Variants in CAMK1D observed in about 807,000 individuals in gnomAD.
The protein encoded by CAMK1D is calcium/calmodulin dependent protein kinase ID.
CAMK1D carries 9 observed loss-of-function variants against 47.7 expected under a neutral mutation model. The ratio of observed to expected loss-of-function variants is 0.19; its 90% CI spans 0.11 to 0.33. The LOEUF (loss-of-function observed/expected upper bound fraction) is 0.33. CAMK1D is among the 10% of genes least tolerant of loss of function. CAMK1D has a pLI of 1.00. For synonymous variants in CAMK1D, 184 were observed against 184.9 expected (o/e 0.99, Z 0.04); for missense variants, 291 against 488.7 (o/e 0.60, Z 3.81).
intron 1 of CAMK1D, among the ~76,000 whole-genome samples, chr10:12,368,345 A>G (rs1406488417): frequency 6.6e-6 from 1 of 152,120 alleles, no homozygotes; most frequent in African/African-American, 2.4e-5. Flanking sequence ...GTTCCAGGCT[A>G]TAGTGAGCCA....
At chr10:12,377,213 T>A (rs1005431680) in intron 1 of CAMK1D, among the ~76,000 whole-genome samples, 8 of 150,544 alleles carry the variant, frequency 5.3e-5, no homozygotes, top group African/African-American at 1.5e-4. Context: ...AAAAAAAAAA[T>A]GTTCTTCCCA....
intron 1 of CAMK1D, among the ~76,000 whole-genome samples, chr10:12,391,951 G>T (rs917828778): frequency 2.0e-5 from 3 of 150,722 alleles, no homozygotes; most frequent in Non-Finnish European, 4.4e-5. Context: ...CTCCAGCCTG[G>T]ATAGCAGAGC....
chr10:12,653,233 A>G (rs7896394), intron 2 of CAMK1D: 2,954 of 154,320 alleles, frequency 0.019, 54 homozygotes, highest in South Asian at 0.11. Flanking sequence ...GGGTTAATCT[A>G]TTCATAAGGG....
intron 1 of CAMK1D, among the ~76,000 whole-genome samples, chr10:12,504,225 T>TGCACACACACACACACAC (rs1834798734): frequency 1.4e-5 from 2 of 147,618 alleles, no homozygotes; most frequent in African/African-American, 5.1e-5. Context: ...ATACACATTT[T>TGCACACACACACACACAC]ACACACACAC....
At chr10:12,525,168 T>C (rs554275901) in intron 1 of CAMK1D, among the ~76,000 whole-genome samples, 7 of 152,356 alleles carry the variant, frequency 4.6e-5, no homozygotes, top group Middle Eastern at 3.4e-3. Flanking sequence ...TTTTTCTTTA[T>C]TTTTGATTTT....
chr10:12,812,172 A>G (rs1003294306), intron 6 of CAMK1D, among the ~76,000 whole-genome samples: 4 of 152,192 alleles, frequency 2.6e-5, no homozygotes, highest in Non-Finnish European at 5.9e-5. Flanking sequence ...CCTGTATTGC[A>G]TTTCTTGTGT....
At chr10:12,376,380 A>T (rs1838182627) in intron 1 of CAMK1D, among the ~76,000 whole-genome samples, 1 of 151,944 alleles carries the variant, frequency 6.6e-6, no homozygotes, top group Non-Finnish European at 1.5e-5. Flanking sequence ...TTGAACCTAG[A>T]TCTGTGTGAA....
At chr10:12,498,315 G>C (rs2132134547) in intron 1 of CAMK1D, among the ~76,000 whole-genome samples, 1 of 152,352 alleles carries the variant, frequency 6.6e-6, no homozygotes, top group Admixed American at 6.5e-5. Flanking sequence ...GCTCCAAACA[G>C]AGGGCCTGAG....
At chr10:12,738,406 G>A (rs774452793) in intron 3 of CAMK1D, among the ~76,000 whole-genome samples, 3 of 152,188 alleles carry the variant, frequency 2.0e-5, no homozygotes, top group South Asian at 2.1e-4. Flanking sequence ...TCCTGTCGTC[G>A]TTTGTCCAGT....
chr10:12,715,072 C>T (rs1254814213), intron 3 of CAMK1D, among the ~76,000 whole-genome samples: 1 of 152,182 alleles, frequency 6.6e-6, no homozygotes, highest in African/African-American at 2.4e-5. Context: ...AACTGTATGT[C>T]TGTATCCACT....
Position 12,514,968 on chromosome 10 carries a change from A to G in CAMK1D, c.93-38257A>G, listed in dbSNP as rs573332311. 9.9e-4 allele frequency among the ~76,000 whole-genome samples: 151 copies of G among 152,004 alleles called. 1 individual carries two copies. The highest frequency in any genetic ancestry group is 1.9e-3 in the Non-Finnish European group (129 of 68,008). ...TGGGTTCAAGTGATTCTCCTGCCTC[A>G]GCCTCCTGACTAGCTGGGACTACAG... is the stretch of plus-strand genomic sequence containing the variant. On this transcript the variant is annotated intron_variant, in intron 1 of 10. Transcript: ENST00000619168.
chr10:12,412,319 G>A (rs1839685252), intron 1 of CAMK1D, among the ~76,000 whole-genome samples: 1 of 151,976 alleles, frequency 6.6e-6, no homozygotes, highest in South Asian at 2.1e-4. Context: ...ACTAGAAAGA[G>A]AAAAGTGGGG....
chr10:12,816,411 T>G lies in CAMK1D; in HGVS notation c.833+83T>G, dbSNP rs1226599105. ...CGAAACTTCCTGTTGGCCGTTGTCATTTATGAAATCCACACAGGATTATTA... is the reference window on the plus strand; with the variant it reads ...CGAAACTTCCTGTTGGCCGTTGTCAGTTATGAAATCCACACAGGATTATTA... On this transcript the variant is annotated intron_variant, in intron 8 of 10. Transcript: ENST00000619168. The G allele has an allele frequency of 5.5e-6, 6 of 1,089,410 alleles. No individual in the cohort carries two copies. In the Admixed American group the frequency reaches 1.3e-4, roughly 23 times the overall value. The allele number at this position is 1,089,410 out of a possible 1,614,324, so 67.5% of individuals were successfully genotyped here. A position where few individuals can be genotyped will look rare whatever the true frequency, so the allele number is the denominator to read the frequency against.
chr10:12,752,327 T>G (rs575866012), intron 3 of CAMK1D, among the ~76,000 whole-genome samples: 2 of 152,268 alleles, frequency 1.3e-5, no homozygotes, highest in East Asian at 1.9e-4. Flanking sequence ...TACCCACACT[T>G]GTGCTAGAAG....
At chr10:12,553,399 G>T (rs1459342023) in intron 2 of CAMK1D, 43 bp downstream of exon 2, 6 of 1,514,308 alleles carry the variant, frequency 4.0e-6, no homozygotes, top group Non-Finnish European at 5.5e-6. Context: ...CTACCTCCTG[G>T]CCCGTGTGTC....
chr10:12,455,598 G>A (rs1278889780), intron 1 of CAMK1D, among the ~76,000 whole-genome samples: 1 of 152,150 alleles, frequency 6.6e-6, no homozygotes, highest in African/African-American at 2.4e-5. Context: ...AAAGTTGTTC[G>A]TTTTTTCCCC....
At chr10:12,627,641 G>A (rs1437605958) in intron 2 of CAMK1D, among the ~76,000 whole-genome samples, 1 of 152,126 alleles carries the variant, frequency 6.6e-6, no homozygotes, top group African/African-American at 2.4e-5. Flanking sequence ...GAATCATAGA[G>A]CACATTTTTT....
chr10:12,816,457 C>T (rs1832797661), intron 8 of CAMK1D, 129 bp downstream of exon 8: 2 of 743,350 alleles, frequency 2.7e-6, no homozygotes, highest in Non-Finnish European at 4.4e-6. Context: ...CTCATTCTGG[C>T]CAGTGACTTT....
intron 1 of CAMK1D, among the ~76,000 whole-genome samples, chr10:12,355,058 G>C (rs1377927565): frequency 6.6e-6 from 1 of 151,478 alleles, no homozygotes; most frequent in African/African-American, 2.4e-5. Context: ...GCCCAGGCTG[G>C]TCTCAAACTC....
Sources: allele counts gnomAD v4.1 joint callset (sites outside exome capture counted in the v4.1 genomes callset), GRCh38; gene constraint gnomAD v4.1.1; transcripts MANE v1.5; gene names NCBI Gene and HGNC (gene_info 2026-07-23, HGNC 2026-07-21).